Variants in NTRK3 observed in about 807,000 individuals in gnomAD.
NTRK3 encodes NT-3 growth factor receptor.
In NTRK3, 24 loss-of-function variants were observed where a neutral mutation model predicts 91.7. The ratio of observed to expected loss-of-function variants is 0.26; its 90% CI spans 0.19 to 0.37. NTRK3 has a LOEUF of 0.37. Among genes scored for constraint, NTRK3 ranks in the 10% least tolerant of loss-of-function variants. NTRK3 has a pLI of 1.00. For missense variants in NTRK3, 880 were observed against 1,068.9 expected, an observed-to-expected ratio of 0.82 and a Z score of 2.46; for synonymous variants, 483 against 404.0, an observed-to-expected ratio of 1.20 and a Z score of -2.34.
At chr15:88,000,168 T>C (rs1044946756) in intron 14 of NTRK3, among the ~76,000 whole-genome samples, 1 of 152,232 alleles carries the variant, frequency 6.6e-6, no homozygotes, top group Non-Finnish European at 1.5e-5. Context: ...TAGGGACTAA[T>C]AGTGGACAGG....
intron 15 of NTRK3, among the ~76,000 whole-genome samples, chr15:87,937,616 A>T (rs1188956718): frequency 6.6e-6 from 1 of 152,168 alleles, no homozygotes; most frequent in African/African-American, 2.4e-5. Context: ...ATAATGCTAA[A>T]TCCAAATGAC....
chr15:87,870,026 CTAT>C (rs2141404751), exon 19 of NTRK3: 1 of 192,232 alleles, frequency 5.2e-6, no homozygotes, highest in South Asian at 1.9e-4. Flanking sequence ...TCCCGCAGCC[CTAT>C]TACTGGGTAT....
At chr15:88,195,225 C>T (rs1597882756) in intron 3 of NTRK3, among the ~76,000 whole-genome samples, 1 of 152,118 alleles carries the variant, frequency 6.6e-6, no homozygotes, top group East Asian at 1.9e-4. Context: ...AGAAATGATG[C>T]TCTAGATAAC....
intron 14 of NTRK3, among the ~76,000 whole-genome samples, chr15:87,986,160 G>A (rs1256192847): frequency 6.6e-6 from 1 of 152,218 alleles, no homozygotes; most frequent in Non-Finnish European, 1.5e-5. Context: ...TGAGAGTAGA[G>A]AGAATCTCGG....
intron 17 of NTRK3, among the ~76,000 whole-genome samples, chr15:87,900,690 GGTGTGTGTGTGTGTGT>G (rs61498493): frequency 5.8e-5 from 8 of 138,242 alleles, no homozygotes; most frequent in Admixed American, 1.5e-4. Flanking sequence ...CTTTACAGAG[GGTGTGTGTGTGTGTGT>G]GTGTGTGTGT....
intron 13 of NTRK3, chr15:88,072,348 C>T (rs1190786116): frequency 5.1e-6 from 1 of 195,442 alleles, no homozygotes; most frequent in Non-Finnish European, 1.1e-5. Flanking sequence ...TCGGGAGTCC[C>T]AGAGCAGAGT....
intron 3 of NTRK3, among the ~76,000 whole-genome samples, chr15:88,192,985 G>A (rs557426222): frequency 3.5e-4 from 53 of 152,208 alleles, no homozygotes; most frequent in South Asian, 1.0e-3. Context: ...TTTGTCATCA[G>A]TGTCTCTACA....
exon 19 of NTRK3, chr15:87,874,830 G>A (rs149826174): frequency 4.3e-6 from 1 of 231,382 alleles, no homozygotes; most frequent in East Asian, 6.1e-5. Context: ...AATTGTCATA[G>A]GACAGCAAAG....
intron 5 of NTRK3, among the ~76,000 whole-genome samples, chr15:88,152,456 G>A (rs1186599888): frequency 6.6e-6 from 1 of 152,160 alleles, no homozygotes; most frequent in East Asian, 1.9e-4. Context: ...AAGAGAATTA[G>A]GACACAGACA....
intron 13 of NTRK3, among the ~76,000 whole-genome samples, chr15:88,119,914 G>A (rs978666113): frequency 1.3e-5 from 2 of 152,032 alleles, no homozygotes; most frequent in African/African-American, 2.4e-5. Context: ...CAGTCACCTC[G>A]GATATCTCCT....
At chr15:87,874,659 T>G (rs1436801752) in exon 19 of NTRK3, 1 of 232,594 alleles carries the variant, frequency 4.3e-6, no homozygotes, top group Non-Finnish European at 8.5e-6. Flanking sequence ...GCATTGGTGC[T>G]TCACTTCTAA....
chr15:88,160,798 C>G (rs2044378298), intron 5 of NTRK3, among the ~76,000 whole-genome samples: 1 of 152,152 alleles, frequency 6.6e-6, no homozygotes. Flanking sequence ...GCACACTACT[C>G]TGGAAGGGAA....
At chr15:88,147,450 A>C in intron 5 of NTRK3, 47 bp from the exon 6 acceptor site, 1 of 1,494,704 alleles carries the variant, frequency 6.7e-7, no homozygotes, top group Non-Finnish European at 9.3e-7. Context: ...AGTCTGGCAC[A>C]AATAATGCTC....
intron 14 of NTRK3, among the ~76,000 whole-genome samples, chr15:87,996,821 A>G (rs1358549399): frequency 6.6e-6 from 1 of 152,226 alleles, no homozygotes; most frequent in Non-Finnish European, 1.5e-5. Flanking sequence ...TAGACTTGCT[A>G]AGATCAGTGG....
chr15:88,126,167 G>A lies in NTRK3; in HGVS notation c.1396+104C>T, dbSNP rs372595630. 109 of 834,618 alleles carry A rather than the reference G, an allele frequency of 1.3e-4. 1 individual carries two copies. Among genetic ancestry groups the A allele is most frequent in the African/African-American group, 1.2e-3 (69 of 59,382 alleles). 51.7% of individuals were successfully genotyped at this position (834,618 alleles called of 1,614,324 possible). A position where few individuals can be genotyped will look rare whatever the true frequency, so the allele number is the denominator to read the frequency against. ...TCAGTACCAGTTAGACCCCATGACC[G>A]GAGGCCCTCTCAGAGAGCAATGGGA... On this transcript the variant is annotated intron_variant, in intron 13 of 18. Coordinates refer to ENST00000394480, the Ensembl canonical transcript of NTRK3.
chr15:87,963,596 C>T (rs546109390), intron 14 of NTRK3, among the ~76,000 whole-genome samples: 21 of 152,298 alleles, frequency 1.4e-4, no homozygotes, highest in Middle Eastern at 3.4e-3. Context: ...CTTTGTGTTA[C>T]ATGATTTTGC....
At chr15:87,941,450 C>A in intron 14 of NTRK3, among the ~76,000 whole-genome samples, 1 of 149,584 alleles carries the variant, frequency 6.7e-6, no homozygotes, top group Non-Finnish European at 1.5e-5. Flanking sequence ...ACAAGACACA[C>A]GCATGCACAC....
At chr15:88,181,392 A>G (rs1397870668) in intron 5 of NTRK3, among the ~76,000 whole-genome samples, 1 of 152,152 alleles carries the variant, frequency 6.6e-6, no homozygotes, top group Admixed American at 6.5e-5. Context: ...CTCAAGGGCA[A>G]GCCAAAGACA....
chr15:87,947,668 G>A (rs969944920), intron 14 of NTRK3, among the ~76,000 whole-genome samples: 1 of 152,012 alleles, frequency 6.6e-6, no homozygotes, highest in Non-Finnish European at 1.5e-5. Context: ...AGGGAGGAGG[G>A]AGGAGGGAGA....
Sources: allele counts gnomAD v4.1 joint callset (sites outside exome capture counted in the v4.1 genomes callset), GRCh38; gene constraint gnomAD v4.1.1; transcripts MANE v1.5; gene names NCBI Gene and HGNC (gene_info 2026-07-23, HGNC 2026-07-21).